Variants in DPP6 observed in about 807,000 individuals in gnomAD.
DPP6 encodes the protein dipeptidyl peptidase like 6, also known as A-type potassium channel modulatory protein DPP6.
DPP6 carries 69 observed loss-of-function variants against 122.6 expected under a neutral mutation model. That is an observed-to-expected ratio of 0.56 (90% confidence interval 0.46 to 0.69). The LOEUF (loss-of-function observed/expected upper bound fraction) is 0.69. Among genes scored for constraint, DPP6 ranks in the 30% least tolerant of loss-of-function variants. The probability of loss-of-function intolerance (pLI) is 0.00; values close to 1 mark genes in which losing one functional copy is unlikely to be tolerated. For missense variants in DPP6, 928 were observed against 1,116.9 expected (o/e 0.83, Z 2.41); for synonymous variants, 418 against 433.1 (o/e 0.97, Z 0.43).
At chr7:154,034,988 A>G (rs1799445247) in intron 1 of DPP6, among the ~76,000 whole-genome samples, 1 of 151,402 alleles carries the variant, frequency 6.6e-6, no homozygotes, top group Admixed American at 6.6e-5. Context: ...AAAATGGACA[A>G]AGCCCATGGC....
chr7:154,270,867 C>T (rs1053265312), intron 1 of DPP6, among the ~76,000 whole-genome samples: 15 of 152,206 alleles, frequency 9.9e-5, no homozygotes, highest in Non-Finnish European at 1.5e-4. Flanking sequence ...GGGCTTTCCA[C>T]GCCTCAGCCC....
At chr7:154,779,034 C>T (rs1796809537) in intron 10 of DPP6, among the ~76,000 whole-genome samples, 8 of 151,600 alleles carry the variant, frequency 5.3e-5, no homozygotes, top group East Asian at 1.9e-4. Flanking sequence ...ACCTCCACCA[C>T]CACCACCACA....
chr7:154,677,913 C>G (rs376628533), intron 7 of DPP6, among the ~76,000 whole-genome samples: 132 of 152,218 alleles, frequency 8.7e-4, no homozygotes, highest in African/African-American at 3.0e-3. Context: ...GGGTGGGGTG[C>G]GGACTTGGAG....
chr7:154,853,839 T>A lies in DPP6; in HGVS notation c.1714+12T>A. ...AACAGATAAGAAAAGTAAGTGCTCT[T>A]TTTTTTCCTTAAATCTTCCTGAGAC... On this transcript the variant is annotated intron_variant, in intron 17 of 25. Transcript: ENST00000377770. The A allele has an allele frequency of 6.2e-7, 1 of 1,613,572 alleles. No homozygotes were observed. The highest frequency in any genetic ancestry group is 8.5e-7 in the Non-Finnish European group (1 of 1,179,776).
rs528304009 is a variant in DPP6, at chr7:154,015,709, C to G, written c.51+127975C>G. The stretch of plus-strand genomic sequence containing the variant: ...CCCATCTCCAAAATATACCCCTAAT[C>G]CATGCAGTACACCCACCTCCCCACT... On this transcript the variant is annotated intron_variant, in intron 1 of 25. Coordinates refer to the DPP6 transcript ENST00000404039. 4.6e-5 allele frequency among the ~76,000 whole-genome samples: 7 copies of G among 152,280 alleles called. No homozygotes were observed. The South Asian group carries it at 1.5e-3, about 32-fold the overall frequency.
At chr7:154,546,111 T>A (rs1038734164) in intron 4 of DPP6, among the ~76,000 whole-genome samples, 1 of 151,982 alleles carries the variant, frequency 6.6e-6, no homozygotes, top group African/African-American at 2.4e-5. Flanking sequence ...GATAACTTTT[T>A]AAAAAAAGAT....
chr7:154,867,653 A>G (rs1803998471), intron 17 of DPP6, among the ~76,000 whole-genome samples: 1 of 152,210 alleles, frequency 6.6e-6, no homozygotes, highest in Non-Finnish European at 1.5e-5. Flanking sequence ...CAGATGTGTA[A>G]TGTAGGTTTT....
At chr7:153,864,375 C>G in the DPP6 span, among the ~76,000 whole-genome samples, 11 of 152,046 alleles carry the variant, frequency 7.2e-5, no homozygotes, top group Non-Finnish European at 1.6e-4. Flanking sequence ...ATGCTTGGGG[C>G]CGGGCGTGGT....
chr7:154,796,411 A>G (rs1798053471), intron 12 of DPP6, among the ~76,000 whole-genome samples: 1 of 152,258 alleles, frequency 6.6e-6, no homozygotes, highest in Non-Finnish European at 1.5e-5. Flanking sequence ...AACAGACTCT[A>G]GGAACTTGAG....
chr7:154,444,053 G>A (rs73726880), intron 1 of DPP6, among the ~76,000 whole-genome samples: 28,891 of 151,792 alleles, frequency 0.19, 3,887 homozygotes, highest in African/African-American at 0.39. Context: ...CAAATTAGAT[G>A]TTCAAAGAAG....
rs1834440054 is a variant in DPP6, at chr7:154,618,793, TCA to T, written c.628-19025_628-19024del. Among the ~76,000 whole-genome samples, 1 of 152,214 alleles carries T rather than the reference TCA, an allele frequency of 6.6e-6. No individual in the cohort carries two copies. Among genetic ancestry groups the T allele is most frequent in the South Asian group, 2.1e-4 (1 of 4,828 alleles). ...TCTCAGCACTATTATCATCTGCATG[TCA>T]CAGAGGAGGGAGCTGAGATGCAGAG... is the stretch of plus-strand genomic sequence containing the variant. On this transcript the variant is annotated intron_variant, in intron 5 of 25. Coordinates refer to ENST00000377770, the MANE Select transcript of DPP6 (RefSeq NM_130797.4). This position sits in a 1 kb window ranked among gnomAD's most constrained non-coding sequence, Gnocchi z 4.1.
At chr7:154,211,659 C>T (rs1287668436) in intron 1 of DPP6, among the ~76,000 whole-genome samples, 1 of 152,192 alleles carries the variant, frequency 6.6e-6, no homozygotes, top group Non-Finnish European at 1.5e-5. Context: ...TCTTTGCCCT[C>T]TTCTCCACCT....
chr7:153,943,096 AAATACC>A (rs1251013653), intron 1 of DPP6, among the ~76,000 whole-genome samples: 2 of 152,144 alleles, frequency 1.3e-5, no homozygotes, highest in African/African-American at 4.8e-5. Flanking sequence ...GTTTTTCAGG[AAATACC>A]AATATACCCT....
At chr7:154,249,899 G>A (rs553241267) in intron 1 of DPP6, among the ~76,000 whole-genome samples, 9 of 152,124 alleles carry the variant, frequency 5.9e-5, no homozygotes, top group Non-Finnish European at 8.8e-5. Context: ...TCCAAAGAAA[G>A]AAGAAGTAAA....
the DPP6 span, among the ~76,000 whole-genome samples, chr7:153,795,195 T>C: frequency 2.0e-5 from 3 of 152,190 alleles, no homozygotes; most frequent in African/African-American, 4.8e-5. Context: ...GGTGGGTGGA[T>C]CACGAGGTCA....
chr7:154,220,998 T>G (rs1486617030), intron 1 of DPP6, among the ~76,000 whole-genome samples: 6 of 152,126 alleles, frequency 3.9e-5, no homozygotes, highest in African/African-American at 1.4e-4. Context: ...CATGTACAGG[T>G]CTTGATTGAA....
chr7:154,686,525 A>G (rs1443573675), intron 7 of DPP6, among the ~76,000 whole-genome samples: 2 of 152,162 alleles, frequency 1.3e-5, no homozygotes, highest in South Asian at 2.1e-4. Flanking sequence ...AAAGGGAATG[A>G]AACATTGACC....
At chr7:154,226,075 A>G (rs1800581882) in intron 1 of DPP6, among the ~76,000 whole-genome samples, 1 of 152,188 alleles carries the variant, frequency 6.6e-6, no homozygotes, top group African/African-American at 2.4e-5. Context: ...TGATGACACG[A>G]TGCTGAACCT....
At chr7:154,293,865 T>A (rs2150968257) in intron 1 of DPP6, among the ~76,000 whole-genome samples, 1 of 152,284 alleles carries the variant, frequency 6.6e-6, no homozygotes, top group South Asian at 2.1e-4. Flanking sequence ...TTTCCAAAAG[T>A]TCTCTCCCTG....
Sources: gnomAD v4.1 joint callset for allele counts (sites outside exome capture counted in the v4.1 genomes callset) on GRCh38, gnomAD v4.1.1 for gene constraint, Gnocchi (gnomAD v3.1) non-coding constraint, MANE v1.5 for transcripts, NCBI Gene and HGNC (gene_info 2026-07-23, HGNC 2026-07-21) for gene names.